Variants in UNC5A observed in about 807,000 individuals in gnomAD.
UNC5A encodes the protein netrin receptor UNC5A.
In UNC5A, 20 loss-of-function variants were observed where a neutral mutation model predicts 87.4. The ratio of observed to expected loss-of-function variants is 0.23; its 90% CI spans 0.16 to 0.33. The LOEUF (loss-of-function observed/expected upper bound fraction) is 0.33. Among genes scored for constraint, UNC5A ranks in the 10% least tolerant of loss-of-function variants. The probability of loss-of-function intolerance (pLI) is 1.00; values close to 1 mark genes in which losing one functional copy is unlikely to be tolerated. For synonymous variants in UNC5A, 438 were observed against 482.3 expected, an observed-to-expected ratio of 0.91 and a Z score of 1.20; for missense variants, 844 against 1,133.4, an observed-to-expected ratio of 0.74 and a Z score of 3.67.
At chr5:176,858,721 GAGAAGGAAGGAAGGAAGGAA>G (rs1757728332) in intron 1 of UNC5A, among the ~76,000 whole-genome samples, 1 of 4,324 alleles carries the variant, frequency 2.3e-4, no homozygotes, top group Admixed American at 4.0e-3. Context: ...AAGAGAGAGA[GAGAAGGAAGGAAGGAAGGAA>G]GGAAGGAAGG....
intron 1 of UNC5A, among the ~76,000 whole-genome samples, chr5:176,860,724 G>A (rs1757815367): frequency 6.6e-6 from 1 of 152,190 alleles, no homozygotes; most frequent in Non-Finnish European, 1.5e-5. Context: ...TTCAGGGTGG[G>A]GTGGGTCTGG....
rs779217110 is a variant in UNC5A at position 176,862,671 on chromosome 5, C to A, written c.118C>A (p.Pro40Thr). The change falls in exon 2 of 15, where the codon CCG (proline) becomes ACG (threonine). Residue 40 changes from proline to threonine, a missense_variant. This residue lies in a region of UNC5A where 314 missense variants were observed against 466.5 expected (regional missense o/e 0.67). Transcript: ENST00000329542. ...GGCCAACCCAGTGCCTGGTGCCAAC[C>A]CGGACCTGCTTCCCCACTTCCTGGT... ...TVANPVPGAN[P>T]DLLPHFLVEP... is the part of the protein sequence containing the mutation. The A allele has an allele frequency of 1.1e-5, 17 of 1,613,518 alleles. No individual in the cohort carries two copies. Among genetic ancestry groups the A allele is most frequent in the Non-Finnish European group, 1.4e-5 (17 of 1,179,996 alleles).
intron 1 of UNC5A, among the ~76,000 whole-genome samples, chr5:176,861,173 G>T (rs1284001103): frequency 6.6e-6 from 1 of 152,192 alleles, no homozygotes; most frequent in African/African-American, 2.4e-5. Flanking sequence ...GAGCTGAGGG[G>T]GTGCAGCCCT....
chr5:176,862,100 C>G (rs952291370), intron 1 of UNC5A, among the ~76,000 whole-genome samples: 1 of 152,252 alleles, frequency 6.6e-6, no homozygotes, highest in African/African-American at 2.4e-5. Flanking sequence ...AGACTCCCGG[C>G]TCTCGCCTTG....
intron 1 of UNC5A, among the ~76,000 whole-genome samples, chr5:176,839,377 C>T (rs1423990968): frequency 2.6e-5 from 4 of 152,248 alleles, no homozygotes; most frequent in Non-Finnish European, 4.4e-5. Flanking sequence ...CCCTGATCCG[C>T]AGGCAGTGAG....
intron 1 of UNC5A, among the ~76,000 whole-genome samples, chr5:176,835,419 C>T (rs1027102908): frequency 6.6e-6 from 1 of 152,226 alleles, no homozygotes; most frequent in Non-Finnish European, 1.5e-5. Context: ...GGAGAAATCC[C>T]CATCCCGGAT....
chr5:176,841,925 C>T lies in UNC5A; in HGVS notation c.71-20699C>T, dbSNP rs7713329. Among the ~76,000 whole-genome samples the T allele has an allele frequency of 0.019, 2,925 of 152,328 alleles. 103 individuals carry two copies. The highest frequency in any genetic ancestry group is 0.067 in the African/African-American group (2,782 of 41,554). On this transcript the variant is annotated intron_variant, in intron 1 of 14. Coordinates refer to ENST00000329542, the MANE Select transcript of UNC5A (RefSeq NM_133369.3). This position sits in a 1 kb window ranked among gnomAD's most constrained non-coding sequence, Gnocchi z 4.1. Reference sequence around the variant, plus strand: ...ATAATCAAAAAATCAAGGCCGGGTGCGGTGGCTCACGCCGGTAATCCCAGC... The same window carrying T: ...ATAATCAAAAAATCAAGGCCGGGTGTGGTGGCTCACGCCGGTAATCCCAGC...
Position 176,869,193 on chromosome 5 carries a change from T to C in UNC5A, c.721+229T>C, listed in dbSNP as rs376521257. On this transcript the variant is annotated intron_variant, in intron 5 of 14. Transcript: ENST00000329542. The surrounding 1 kb of genome is among the most constrained non-coding windows in gnomAD (Gnocchi z 9.1). ...GGTCCTTTGTGGGCAGCGGGCATTG[T>C]GCAGAAGGAGATGAGGGACAGGATG... Among the ~76,000 whole-genome samples the C allele has an allele frequency of 5.7e-4, 87 of 152,142 alleles. No homozygotes were observed. The highest frequency in any genetic ancestry group is 2.0e-3 in the African/African-American group (82 of 41,522).
chr5:176,814,502 G>A (rs1756541611), intron 1 of UNC5A, among the ~76,000 whole-genome samples: 1 of 152,132 alleles, frequency 6.6e-6, no homozygotes, highest in Non-Finnish European at 1.5e-5. Flanking sequence ...TCCAGACCTG[G>A]GACACACCCC....
chr5:176,877,667 G>C lies in UNC5A; in HGVS notation c.1599G>C (p.Leu533=). 6.2e-7 allele frequency: 1 copy of C among 1,610,078 alleles called. No individual in the cohort carries two copies. Among genetic ancestry groups the C allele is most frequent in the Non-Finnish European group, 8.5e-7 (1 of 1,177,902 alleles). The part of the protein sequence containing the change: ...CGEPSPDSWS[L]RLKKQSCEGS... Reference sequence around the variant, plus strand: ...AGCCCAGCCCTGACAGCTGGAGCCTGCGCCTCAAAAAGCAGTCGTGCGAGG... The same window carrying C: ...AGCCCAGCCCTGACAGCTGGAGCCTCCGCCTCAAAAAGCAGTCGTGCGAGG... Residue 533 remains leucine, a synonymous_variant, in exon 10 of 15, where the codon CTG becomes CTC. Coordinates refer to ENST00000329542, the MANE Select transcript of UNC5A (RefSeq NM_133369.3).
rs922020149 is a variant in UNC5A, at chr5:176,878,057, C to T, written c.1799C>T (p.Pro600Leu). ...CGCCTCAAGCTGCTTCTGTTTGCGC[C>T]GGTGGCCTGCACCTCCCTCGAGTAC... is the stretch of plus-strand genomic sequence containing the variant. ...AKRLKLLLFA[P>L]VACTSLEYNI... Residue 600 changes from proline to leucine, a missense_variant, in exon 11 of 15, where the codon CCG (proline) becomes CTG (leucine). This residue lies in a region of UNC5A where 353 missense variants were observed against 387.5 expected (regional missense o/e 0.91). Transcript: ENST00000329542. 5 of 1,609,638 alleles carry T rather than the reference C, an allele frequency of 3.1e-6. No individual in the cohort carries two copies. The highest frequency in any genetic ancestry group is 4.2e-6 in the Non-Finnish European group (5 of 1,179,956).
At chr5:176,877,379 G>A in intron 9 of UNC5A, 100 bp downstream of exon 9, 1 of 1,371,426 alleles carries the variant, frequency 7.3e-7, no homozygotes, top group South Asian at 1.3e-5. Context: ...CCTGGCCCGA[G>A]GCGGCGGGGG....
At position 176,844,830 on chromosome 5, in the gene UNC5A, G is replaced by A. The variant is rs561311508; in HGVS notation, c.71-17794G>A. On this transcript the variant is annotated intron_variant, in intron 1 of 14. Coordinates refer to ENST00000329542, the MANE Select transcript of UNC5A (RefSeq NM_133369.3). This position sits in a 1 kb window ranked among gnomAD's most constrained non-coding sequence, Gnocchi z 4.2. ...CCTCCAGCACTGCTTGCAGTGGATC[G>A]TGGAAGTCGGTCCTCGGTGCCAGCC... 1.3e-5 allele frequency among the ~76,000 whole-genome samples: 2 copies of A among 152,098 alleles called. No individual in the cohort carries two copies. The highest frequency in any genetic ancestry group is 3.2e-3 in the Middle Eastern group (1 of 316).
At chr5:176,857,158 A>G (rs1757688316) in intron 1 of UNC5A, among the ~76,000 whole-genome samples, 1 of 152,132 alleles carries the variant, frequency 6.6e-6, no homozygotes, top group Non-Finnish European at 1.5e-5. Context: ...TGCTGCACTT[A>G]GTCCGCCCCT....
intron 1 of UNC5A, among the ~76,000 whole-genome samples, chr5:176,860,831 G>A (rs946472947): frequency 6.6e-6 from 1 of 151,956 alleles, no homozygotes; most frequent in Non-Finnish European, 1.5e-5. Flanking sequence ...GGAACATGCG[G>A]GGGGCAGTTG....
At chr5:176,836,451 G>T (rs1249206938) in intron 1 of UNC5A, among the ~76,000 whole-genome samples, 10 of 152,156 alleles carry the variant, frequency 6.6e-5, no homozygotes, top group Admixed American at 6.5e-4. Context: ...GATCCCTGGG[G>T]GCCTGCTCCA....
intron 1 of UNC5A, among the ~76,000 whole-genome samples, chr5:176,812,020 C>T (rs1376076114): frequency 6.6e-6 from 1 of 152,094 alleles, no homozygotes; most frequent in Non-Finnish European, 1.5e-5. Context: ...CCCACCACTG[C>T]CTGACCGCCC....
chr5:176,867,236 T>C (rs1561664176), intron 2 of UNC5A, among the ~76,000 whole-genome samples: 4 of 151,980 alleles, frequency 2.6e-5, no homozygotes, highest in Admixed American at 2.6e-4. Context: ...GGGATGCTGG[T>C]TTTGGCTACA....
intron 1 of UNC5A, among the ~76,000 whole-genome samples, chr5:176,837,512 C>T (rs140833068): frequency 9.9e-5 from 15 of 152,190 alleles, no homozygotes; most frequent in Non-Finnish European, 2.1e-4. Flanking sequence ...CTTGGGTACC[C>T]GAGGCCAGAT....
Sources: gnomAD v4.1 joint callset for allele counts (sites outside exome capture counted in the v4.1 genomes callset) on GRCh38, gnomAD v4.1.1 for gene constraint, gnomAD v4.1.1 regional missense constraint, Gnocchi (gnomAD v3.1) non-coding constraint, MANE v1.5 for transcripts, NCBI Gene and HGNC (gene_info 2026-07-23, HGNC 2026-07-21) for gene names.